The following CMYA5 variants were observed in gnomAD, a reference collection of about 807,000 sequenced individuals.
CMYA5 encodes cardiomyopathy-associated protein 5.
A neutral mutation model predicts 318.9 loss-of-function variants in CMYA5; 246 were observed. The ratio of observed to expected loss-of-function variants is 0.77; its 90% confidence interval spans 0.70 to 0.86. CMYA5 has a LOEUF of 0.86. CMYA5 is among the 40% of genes least tolerant of loss of function. The probability of loss-of-function intolerance (pLI) is 0.00; values close to 1 mark genes in which losing one functional copy is unlikely to be tolerated. For missense variants in CMYA5, 4,589 were observed against 4,678.2 expected, an observed-to-expected ratio of 0.98 and a Z score of 0.56; for synonymous variants, 1,641 against 1,729.5, an observed-to-expected ratio of 0.95 and a Z score of 1.27.
chr5:79,763,277 C>T, intron 9 of CMYA5, 68 bp downstream of exon 9: 1 of 1,338,780 alleles, frequency 7.5e-7, no homozygotes, highest in Non-Finnish European at 1.0e-6. Flanking sequence ...CCTAAACTAC[C>T]CTCTAACTTC....
chr5:79,796,226 C>T (rs140734639), intron 12 of CMYA5, among the ~76,000 whole-genome samples: 4 of 152,224 alleles, frequency 2.6e-5, no homozygotes, highest in African/African-American at 4.8e-5. Flanking sequence ...ATAGGACCTT[C>T]TGCAATAATA....
At chr5:79,711,675 G>A (rs1580752118) in intron 1 of CMYA5, among the ~76,000 whole-genome samples, 2 of 152,144 alleles carry the variant, frequency 1.3e-5, no homozygotes, top group African/African-American at 4.8e-5. Context: ...TTTTATGTAT[G>A]CACAAAAGAA....
At chr5:79,799,297 T>G in intron 12 of CMYA5, 73 bp from the exon 13 acceptor site, 3 of 1,478,284 alleles carry the variant, frequency 2.0e-6, no homozygotes. Context: ...AATTGGTTAT[T>G]CCCAAGTGAC....
intron 1 of CMYA5, among the ~76,000 whole-genome samples, chr5:79,722,036 A>T (rs1000071855): frequency 6.6e-6 from 1 of 152,236 alleles, no homozygotes; most frequent in Non-Finnish European, 1.5e-5. Context: ...TCATGAACCC[A>T]TAAACATTTT....
rs776589978 is a variant in CMYA5 at position 79,736,663 on chromosome 5, A to G, written c.7898A>G (p.Lys2633Arg). 2.5e-6 allele frequency: 4 copies of G among 1,613,756 alleles called. No homozygotes were observed. Among genetic ancestry groups the G allele is most frequent in the Non-Finnish European group, 3.4e-6 (4 of 1,179,800 alleles). ...EESKVLVEKT[K>R]TFLPVALSCR... Reference sequence around the variant, plus strand: ...AGTAAAGTTTTGGTGGAGAAAACCAAGACTTTCCTGCCGGTGGCTCTTTCT... The same window carrying G: ...AGTAAAGTTTTGGTGGAGAAAACCAGGACTTTCCTGCCGGTGGCTCTTTCT... The change falls in exon 2 of 13, where the codon AAG becomes AGG. Residue 2633 changes from lysine to arginine, a missense_variant. Coordinates refer to ENST00000446378, the MANE Select transcript of CMYA5 (RefSeq NM_153610.5).
chr5:79,691,003 C>A (rs1826961194), intron 1 of CMYA5, among the ~76,000 whole-genome samples: 1 of 152,220 alleles, frequency 6.6e-6, no homozygotes, highest in Non-Finnish European at 1.5e-5. Flanking sequence ...GTTTATCAAA[C>A]AGCTGCCAAG....
chr5:79,759,626 G>A (rs1828606950), intron 7 of CMYA5, among the ~76,000 whole-genome samples: 1 of 152,208 alleles, frequency 6.6e-6, no homozygotes, highest in East Asian at 1.9e-4. Context: ...TGTGCTTCCT[G>A]ATGAATCAGA....
In CMYA5 at chr5:79,731,666, AAG is replaced by A; in HGVS notation, c.2905_2906del (p.Glu969IlefsTer2). Reference protein sequence around the residue: ...PPYATQEAEKREFECDSPICL... With the variant: ...PPYATQEAEKXEFECDSPICL... ...CGTATGCAACCCAGGAAGCAGAGAAAAGAGAATTTGAGTGCGATTCTCCAATA... is the reference window on the plus strand; with the variant it reads ...CGTATGCAACCCAGGAAGCAGAGAAAAGAATTTGAGTGCGATTCTCCAATA... On this transcript the variant is annotated frameshift_variant, in exon 2 of 13. Transcript: ENST00000446378. LOFTEE classifies it high-confidence loss of function. 1 of 1,613,964 alleles carries A rather than the reference AAG, an allele frequency of 6.2e-7. No homozygotes were observed. Among genetic ancestry groups the A allele is most frequent in the Non-Finnish European group, 8.5e-7 (1 of 1,179,856 alleles).
rs1828119433 is a variant in CMYA5, at chr5:79,737,977, A to C, written c.9212A>C (p.Lys3071Thr). ...ATCTCCCCAGACCCAGAAAAACAGA[A>C]AGCTCCACAGAAATTAAATGTTGAA... The part of the protein sequence containing the change: ...YNISPDPEKQ[K>T]APQKLNVEEK... The change falls in exon 2 of 13, where the codon AAA (lysine) becomes ACA (threonine). Residue 3071 changes from lysine to threonine, a missense_variant. Physicochemically the swap from Lys to Thr is moderately conservative, Grantham distance 78. This residue lies in a region of CMYA5 where 2,431 missense variants were observed against 2,495.1 expected (regional missense o/e 0.97). Transcript: ENST00000446378. 1 of 1,613,302 alleles carries C rather than the reference A, an allele frequency of 6.2e-7. No homozygotes were observed. The highest frequency in any genetic ancestry group is 8.5e-7 in the Non-Finnish European group (1 of 1,179,676).
chr5:79,749,824 A>G (rs2151091739), intron 5 of CMYA5, among the ~76,000 whole-genome samples: 1 of 152,312 alleles, frequency 6.6e-6, no homozygotes, highest in Non-Finnish European at 1.5e-5. Context: ...AATAATTTCT[A>G]CAACTATACT....
intron 1 of CMYA5, among the ~76,000 whole-genome samples, chr5:79,720,490 G>C (rs1434471173): frequency 1.4e-5 from 2 of 144,418 alleles, no homozygotes; most frequent in African/African-American, 2.6e-5. Context: ...AGGCTGGAGT[G>C]CAGTGGCACA....
intron 1 of CMYA5, among the ~76,000 whole-genome samples, chr5:79,725,723 T>C (rs1166174092): frequency 6.6e-6 from 1 of 152,174 alleles, no homozygotes; most frequent in East Asian, 1.9e-4. Flanking sequence ...ATCAACATGG[T>C]GAAATCTCGT....
intron 9 of CMYA5, among the ~76,000 whole-genome samples, chr5:79,764,935 G>C (rs927179722): frequency 5.3e-5 from 8 of 152,176 alleles, no homozygotes; most frequent in Middle Eastern, 6.8e-3. Context: ...CCATTCTGTA[G>C]GTTGCCTGTT....
At position 79,729,896 on chromosome 5, in the gene CMYA5, A is replaced by G. The variant is rs760466764; in HGVS notation, c.1131A>G (p.Glu377=). 1.9e-6 allele frequency: 3 copies of G among 1,613,028 alleles called. No individual in the cohort carries two copies. The highest frequency in any genetic ancestry group is 2.2e-5 in the East Asian group (1 of 44,846). ...PEDEAKPHEV[E]PPSVTPDTPA... is the part of the protein sequence containing the mutation. ...ATGAAGCAAAACCACATGAAGTGGA[A>G]CCTCCATCTGTGACACCCGACACAC... Residue 377 remains glutamate, a synonymous_variant, in exon 2 of 13, where the codon GAA becomes GAG. Transcript: ENST00000446378.
chr5:79,793,592 A>G lies in CMYA5; in HGVS notation c.11945A>G (p.His3982Arg), dbSNP rs1188657071. The G allele has an allele frequency of 4.3e-6, 7 of 1,609,926 alleles. No homozygotes were observed. In the African/African-American group the frequency reaches 9.4e-5, roughly 22 times the overall value. ...LGQGETSWYM[H>R]CSEPQRYTFF... ...CAAGGGGAGACCTCATGGTACATGC[A>G]CTGCTCTGAGCCACAGAGGTAAGCG... Residue 3982 changes from histidine to arginine, a missense_variant, in exon 12 of 13, where the codon CAC (histidine) becomes CGC (arginine). By Grantham distance (29) the His-to-Arg change is conservative. This residue lies in a region of CMYA5 where 2,431 missense variants were observed against 2,495.1 expected (regional missense o/e 0.97). Coordinates refer to ENST00000446378, the MANE Select transcript of CMYA5 (RefSeq NM_153610.5).
chr5:79,738,335 A>C lies in CMYA5; in HGVS notation c.9570A>C (p.Ala3190=). 1 of 1,613,720 alleles carries C rather than the reference A, an allele frequency of 6.2e-7. No individual in the cohort carries two copies. The highest frequency in any genetic ancestry group is 2.2e-5 in the East Asian group (1 of 44,884). Residue 3190 remains alanine (A), a synonymous_variant, in exon 2 of 13, where the codon GCA becomes GCC. Coordinates refer to ENST00000446378, the MANE Select transcript of CMYA5 (RefSeq NM_153610.5). Reference sequence around the variant, plus strand: ...TTCTGGAGGAGCCACCTGCACTTGCATTTTTATATAAGGATCTGTATGAAG... The same window carrying C: ...TTCTGGAGGAGCCACCTGCACTTGCCTTTTTATATAAGGATCTGTATGAAG... ...PEFLEEPPAL[A]FLYKDLYEEA...
chr5:79,798,648 T>A (rs1829317769), intron 12 of CMYA5, among the ~76,000 whole-genome samples: 1 of 152,136 alleles, frequency 6.6e-6, no homozygotes, highest in Non-Finnish European at 1.5e-5. Flanking sequence ...CTCCATACAG[T>A]ATGGGATCCC....
intron 2 of CMYA5, among the ~76,000 whole-genome samples, 170 bp from the exon 3 acceptor site, chr5:79,743,657 A>C (rs1251457939): frequency 6.6e-6 from 1 of 152,342 alleles, no homozygotes; most frequent in Admixed American, 6.5e-5. Flanking sequence ...ATACAGAATT[A>C]TCTATAGTCA....
chr5:79,767,044 G>A (rs2151096237), intron 9 of CMYA5, among the ~76,000 whole-genome samples: 1 of 152,308 alleles, frequency 6.6e-6, no homozygotes, highest in South Asian at 2.1e-4. Context: ...GAGGGTGTAT[G>A]TGTCCAGGAA....
Sources: allele counts gnomAD v4.1 joint callset (sites outside exome capture counted in the v4.1 genomes callset), GRCh38; gene constraint gnomAD v4.1.1; regional missense constraint gnomAD v4.1.1; transcripts MANE v1.5; gene names NCBI Gene and HGNC (gene_info 2026-07-23, HGNC 2026-07-21).